WAC: variants seen among roughly 807,000 people sequenced by gnomAD.
WAC encodes the protein WW domain-containing adapter protein with coiled-coil.
A neutral mutation model predicts 79.6 loss-of-function variants in WAC; 11 were observed. That is an observed-to-expected ratio of 0.14 (90% CI 0.09 to 0.23). The LOEUF is 0.23. Ranked by LOEUF, WAC falls within the 10% of genes least tolerant of loss-of-function variation. The pLI, the probability that WAC is intolerant of heterozygous loss-of-function variation, is 1.00. For synonymous variants in WAC, 304 were observed against 276.9 expected (o/e 1.10, Z -0.97); for missense variants, 728 against 773.5 (o/e 0.94, Z 0.70).
intron 3 of WAC, among the ~76,000 whole-genome samples, chr10:28,549,361 CT>C (rs2132410170): frequency 6.6e-6 from 1 of 152,294 alleles, no homozygotes; most frequent in African/African-American, 2.4e-5. Flanking sequence ...TCTCATGCTT[CT>C]TTTAATCCTT....
intron 13 of WAC, 121 bp downstream of exon 13, chr10:28,617,905 C>CA (rs1841542417): frequency 6.4e-6 from 7 of 1,101,504 alleles, no homozygotes; most frequent in Non-Finnish European, 1.2e-6. Context: ...ACATTGATCA[C>CA]ATTCTATCAC....
rs1840351666 is a variant in WAC at position 28,596,135 on chromosome 10, A to T, written c.919+94A>T. 30 of 1,328,684 alleles carry T rather than the reference A, an allele frequency of 2.3e-5. No individual in the cohort carries two copies. The South Asian group carries it at 4.5e-4, about 20-fold the overall frequency. The allele number at this position is 1,328,684 out of a possible 1,614,324, so 82.3% of individuals were successfully genotyped here. A position where few individuals can be genotyped will look rare whatever the true frequency, so the allele number is the denominator to read the frequency against. ...ATTACATTATTTCCTTTGGCTCTGAATTATAAATTTTTAAAAAAGTCTTTT... is the reference window on the plus strand; with the variant it reads ...ATTACATTATTTCCTTTGGCTCTGATTTATAAATTTTTAAAAAAGTCTTTT... On this transcript the variant is annotated intron_variant, in intron 7 of 13. Transcript: ENST00000354911.
At chr10:28,561,682 C>CT (rs1004330092) in intron 3 of WAC, among the ~76,000 whole-genome samples, 3 of 152,140 alleles carry the variant, frequency 2.0e-5, no homozygotes, top group Admixed American at 2.0e-4. Flanking sequence ...AGACCAGTAC[C>CT]TTTCTGTGGC....
intron 4 of WAC, among the ~76,000 whole-genome samples, chr10:28,583,722 T>C (rs569520328): frequency 6.6e-6 from 1 of 152,300 alleles, no homozygotes; most frequent in Non-Finnish European, 1.5e-5. Flanking sequence ...CAGAAGATAG[T>C]ATCTTTGGTA....
chr10:28,559,153 TGTGTGTGTGTG>T (rs1358378400), intron 3 of WAC, among the ~76,000 whole-genome samples: 1 of 151,656 alleles, frequency 6.6e-6, no homozygotes, highest in East Asian at 1.9e-4. Context: ...TGTGTGTGTG[TGTGTGTGTGTG>T]TAAGTCTGAT....
chr10:28,544,524 CTG>C (rs1206079876), intron 3 of WAC, among the ~76,000 whole-genome samples: 1 of 152,294 alleles, frequency 6.6e-6, no homozygotes, highest in East Asian at 1.9e-4. Flanking sequence ...AGTGCCCAGA[CTG>C]TGACAGAGTA....
chr10:28,621,632 A>G lies in WAC; in HGVS notation c.*2026A>G, dbSNP rs1841695883. ...AACTAGTGCATGTAAATGAAACCCC[A>G]AAGAGCTGTGTGTTCAGCTAGAAAC... On this transcript the variant is annotated 3_prime_UTR_variant, in exon 14 of 14. Coordinates refer to ENST00000354911, the MANE Select transcript of WAC (RefSeq NM_016628.5). The G allele has an allele frequency of 6.6e-6, 1 of 152,226 alleles. No homozygotes were observed. The highest frequency in any genetic ancestry group is 1.5e-5 in the Non-Finnish European group (1 of 68,034). 9.4% of individuals were successfully genotyped at this position (152,226 alleles called of 1,614,324 possible).
chr10:28,617,747 C>A lies in WAC; in HGVS notation c.1837C>A (p.Arg613=). 6.3e-7 allele frequency: 1 copy of A among 1,593,266 alleles called. No homozygotes were observed. Residue 613 remains arginine (R), a synonymous_variant, in exon 13 of 14, where the codon CGA becomes AGA. Coordinates refer to ENST00000354911, the MANE Select transcript of WAC (RefSeq NM_016628.5). The part of the protein sequence containing the change: ...TELKNLRSLV[R]VCEIQATLRE... The stretch of plus-strand genomic sequence containing the variant: ...ATTAAAAAATTTAAGATCTTTAGTC[C>A]GAGTATGTGAAATTCAAGCAACTTT...
intron 3 of WAC, among the ~76,000 whole-genome samples, chr10:28,552,810 T>C (rs1408334933): frequency 7.4e-6 from 1 of 135,614 alleles, no homozygotes; most frequent in Non-Finnish European, 1.6e-5. Context: ...ATTTTGGTTT[T>C]TAGTGTTTTG....
chr10:28,564,679 A>G (rs1289769466), intron 3 of WAC, among the ~76,000 whole-genome samples: 1 of 152,204 alleles, frequency 6.6e-6, no homozygotes, highest in Non-Finnish European at 1.5e-5. Flanking sequence ...CTATTTTGAG[A>G]TAATTGTAGA....
chr10:28,618,835 G>A (rs1305817280), intron 13 of WAC, among the ~76,000 whole-genome samples: 1 of 152,100 alleles, frequency 6.6e-6, no homozygotes, highest in African/African-American at 2.4e-5. Context: ...TCTTACACCT[G>A]GTTAATTCTA....
At chr10:28,561,429 CA>C (rs892580056) in intron 3 of WAC, among the ~76,000 whole-genome samples, 11 of 152,118 alleles carry the variant, frequency 7.2e-5, no homozygotes, top group African/African-American at 2.6e-4. Flanking sequence ...TGGATTTATC[CA>C]AAATGCAGTT....
At chr10:28,593,948 T>C (rs1240847483) in intron 6 of WAC, among the ~76,000 whole-genome samples, 2 of 152,132 alleles carry the variant, frequency 1.3e-5, no homozygotes, top group Admixed American at 6.6e-5. Context: ...GTAATTGTTA[T>C]GGAAGGCTTT....
intron 7 of WAC, among the ~76,000 whole-genome samples, chr10:28,600,924 C>G (rs1840612558): frequency 6.6e-6 from 1 of 151,674 alleles, no homozygotes; most frequent in African/African-American, 2.4e-5. Context: ...AGAGCTGTTG[C>G]ACCATATACA....
chr10:28,616,489 T>C (rs536044536), intron 12 of WAC, 127 bp downstream of exon 12: 1 of 834,896 alleles, frequency 1.2e-6, no homozygotes, highest in Admixed American at 3.6e-5. Flanking sequence ...TCTAACTTTG[T>C]AGTCATTTAA....
At chr10:28,558,992 G>A (rs1838150954) in intron 3 of WAC, among the ~76,000 whole-genome samples, 1 of 152,148 alleles carries the variant, frequency 6.6e-6, no homozygotes, top group Admixed American at 6.5e-5. Flanking sequence ...AATAGAATGT[G>A]TAAAATAAAG....
intron 3 of WAC, among the ~76,000 whole-genome samples, chr10:28,543,060 T>G (rs1837149317): frequency 6.6e-6 from 1 of 152,222 alleles, no homozygotes; most frequent in South Asian, 2.1e-4. Flanking sequence ...TTAAGGGGAA[T>G]GAAATTATAG....
At chr10:28,612,383 A>C (rs1042442075) in intron 10 of WAC, among the ~76,000 whole-genome samples, 1 of 152,230 alleles carries the variant, frequency 6.6e-6, no homozygotes, top group African/African-American at 2.4e-5. Flanking sequence ...ACTCTCAGTT[A>C]AGTTTTTGTG....
chr10:28,607,264 A>C (rs1055025997), intron 7 of WAC, among the ~76,000 whole-genome samples: 4 of 152,186 alleles, frequency 2.6e-5, no homozygotes, highest in African/African-American at 9.6e-5. Flanking sequence ...ATACCTACAC[A>C]AAAGTTCAGT....
Sources: gnomAD v4.1 joint callset for allele counts (sites outside exome capture counted in the v4.1 genomes callset) on GRCh38, gnomAD v4.1.1 for gene constraint, MANE v1.5 for transcripts, NCBI Gene and HGNC (gene_info 2026-07-23, HGNC 2026-07-21) for gene names.